DCC: variants seen among roughly 807,000 people sequenced by gnomAD.
DCC encodes the protein netrin receptor DCC.
In DCC, 58 loss-of-function variants were observed where a neutral mutation model predicts 172.5. That is an observed-to-expected ratio of 0.34 (90% confidence interval 0.27 to 0.42). The LOEUF (loss-of-function observed/expected upper bound fraction) is 0.42, where lower values mean the gene tolerates loss of function less well. Among genes scored for constraint, DCC ranks in the 10% least tolerant of loss-of-function variants. DCC has a pLI of 1.00. For missense variants in DCC, 1,740 were observed against 1,791.0 expected (o/e 0.97, Z 0.51); for synonymous variants, 709 against 644.5 (o/e 1.10, Z -1.52).
At chr18:52,736,209 G>C (rs1387494114) in intron 1 of DCC, among the ~76,000 whole-genome samples, 2 of 150,456 alleles carry the variant, frequency 1.3e-5, no homozygotes, top group African/African-American at 4.9e-5. Context: ...GCAAAATAAA[G>C]TTAACAACCT....
intron 2 of DCC, among the ~76,000 whole-genome samples, chr18:52,814,389 C>G (rs752542822): frequency 2.0e-5 from 3 of 152,206 alleles, no homozygotes; most frequent in Non-Finnish European, 4.4e-5. Context: ...AAGACACAAG[C>G]AGCTGAGCTT....
chr18:52,842,981 T>G (rs2038830961), intron 2 of DCC, among the ~76,000 whole-genome samples: 1 of 152,150 alleles, frequency 6.6e-6, no homozygotes, highest in Admixed American at 6.5e-5. Flanking sequence ...GGTTACTAAT[T>G]TAGGTGCTTT....
At chr18:52,758,765 T>G (rs987885116) in intron 2 of DCC, 2 of 151,958 alleles carry the variant, frequency 1.3e-5, no homozygotes, top group Non-Finnish European at 2.9e-5. Context: ...AAGAAAAATG[T>G]TTATATTCCT....
chr18:53,176,447 T>C (rs974389400), intron 8 of DCC, among the ~76,000 whole-genome samples: 2 of 148,078 alleles, frequency 1.4e-5, no homozygotes, highest in African/African-American at 5.1e-5. Flanking sequence ...AGGGCTAATA[T>C]CCAGTATCTA....
At chr18:53,232,282 T>C (rs1398400434) in intron 12 of DCC, among the ~76,000 whole-genome samples, 1 of 152,184 alleles carries the variant, frequency 6.6e-6, no homozygotes, top group Non-Finnish European at 1.5e-5. Flanking sequence ...CTACTTGACT[T>C]GTCATCCTCC....
At chr18:52,822,218 A>C (rs1321525207) in intron 2 of DCC, among the ~76,000 whole-genome samples, 1 of 120,000 alleles carries the variant, frequency 8.3e-6, no homozygotes, top group Non-Finnish European at 1.8e-5. Flanking sequence ...AACTATGAGC[A>C]AAAAAGTGTA....
At chr18:52,772,429 G>A (rs1459430125) in intron 2 of DCC, among the ~76,000 whole-genome samples, 5 of 152,188 alleles carry the variant, frequency 3.3e-5, no homozygotes, top group Non-Finnish European at 7.3e-5. Context: ...GTGATGATTT[G>A]TATTAGAGTT....
At position 52,700,544 on chromosome 18, in the gene DCC, C is replaced by G. The variant is rs150125443; in HGVS notation, c.92-51510C>G. On this transcript the variant is annotated intron_variant, in intron 1 of 28. Transcript: ENST00000442544. ...CCCCACAGGCTCCTTTTCATGAATG[C>G]CTGCTATATTCTTTCTATCATGAAC... 5.2e-3 allele frequency among the ~76,000 whole-genome samples: 789 copies of G among 152,320 alleles called. 1 individual carries two copies. The highest frequency in any genetic ancestry group is 8.3e-3 in the Non-Finnish European group (564 of 68,024).
chr18:53,418,976 T>C (rs574987064), intron 21 of DCC, among the ~76,000 whole-genome samples: 2 of 152,322 alleles, frequency 1.3e-5, no homozygotes, highest in East Asian at 3.9e-4. Flanking sequence ...TCTTGCTCCA[T>C]ATCCTAATTA....
At chr18:53,129,843 T>G (rs2043624851) in intron 7 of DCC, among the ~76,000 whole-genome samples, 1 of 152,146 alleles carries the variant, frequency 6.6e-6, no homozygotes, top group Admixed American at 6.6e-5. Context: ...TCATTTCTTT[T>G]GGGTAAAAAT....
intron 7 of DCC, among the ~76,000 whole-genome samples, chr18:53,128,830 T>TAG (rs2043602781): frequency 1.1e-5 from 1 of 86,966 alleles, no homozygotes; most frequent in Non-Finnish European, 2.4e-5. Context: ...TGTATACACA[T>TAG]ACACACACAC....
At chr18:52,821,058 TCTC>T (rs1393169361) in intron 2 of DCC, among the ~76,000 whole-genome samples, 1 of 152,158 alleles carries the variant, frequency 6.6e-6, no homozygotes, top group African/African-American at 2.4e-5. Flanking sequence ...TTTCATAGTT[TCTC>T]TTCTCTTCTC....
At chr18:53,033,366 T>G (rs2042049933) in intron 5 of DCC, among the ~76,000 whole-genome samples, 1 of 152,152 alleles carries the variant, frequency 6.6e-6, no homozygotes, top group Non-Finnish European at 1.5e-5. Context: ...CCACTTGATT[T>G]CCCAAGCACT....
At chr18:53,487,167 A>G (rs2045910903) in intron 26 of DCC, among the ~76,000 whole-genome samples, 1 of 152,124 alleles carries the variant, frequency 6.6e-6, no homozygotes. Context: ...AGCACACTCC[A>G]CTGACAATAC....
intron 1 of DCC, among the ~76,000 whole-genome samples, chr18:52,343,394 G>C (rs1287120749): frequency 2.0e-5 from 3 of 152,194 alleles, no homozygotes; most frequent in East Asian, 1.9e-4. Context: ...AAGGATTATG[G>C]AGACTAGCAC....
chr18:52,823,866 G>A (rs76404409), intron 2 of DCC, among the ~76,000 whole-genome samples: 3,684 of 152,154 alleles, frequency 0.024, 66 homozygotes, highest in South Asian at 0.037. Context: ...TTATGTCCAG[G>A]GAACAACACG....
At chr18:53,292,336 A>G (rs1166976719) in intron 12 of DCC, among the ~76,000 whole-genome samples, 1 of 152,206 alleles carries the variant, frequency 6.6e-6, no homozygotes, top group East Asian at 1.9e-4. Flanking sequence ...TAATCAGTGG[A>G]AAAAGTGATG....
chr18:53,120,825 T>G (rs2043472803), intron 7 of DCC, among the ~76,000 whole-genome samples: 1 of 151,780 alleles, frequency 6.6e-6, no homozygotes, highest in Non-Finnish European at 1.5e-5. Context: ...AGAGAATATG[T>G]TTTACAGTTA....
At chr18:53,520,111 A>AG (rs1225749017) in intron 27 of DCC, among the ~76,000 whole-genome samples, 2 of 152,094 alleles carry the variant, frequency 1.3e-5, no homozygotes, top group Non-Finnish European at 2.9e-5. Flanking sequence ...TGTAGAAAAA[A>AG]ACCAGTTAGT....
Sources: allele counts gnomAD v4.1 joint callset (sites outside exome capture counted in the v4.1 genomes callset), GRCh38; gene constraint gnomAD v4.1.1; transcripts MANE v1.5; gene names NCBI Gene and HGNC (gene_info 2026-07-23, HGNC 2026-07-21).